ADGRB3: variants seen among roughly 807,000 people sequenced by gnomAD.
The protein encoded by ADGRB3 is adhesion G protein-coupled receptor B3, also known as brain-specific angiogenesis inhibitor 3.
ADGRB3 carries 37 observed loss-of-function variants against 193.4 expected under a neutral mutation model. That is an observed-to-expected ratio of 0.19 (90% CI 0.15 to 0.25). The LOEUF (loss-of-function observed/expected upper bound fraction) is 0.25. Among genes scored for constraint, ADGRB3 ranks in the 10% least tolerant of loss-of-function variants. The pLI, the probability that ADGRB3 is intolerant of heterozygous loss-of-function variation, is 1.00. For missense variants in ADGRB3, 1,637 were observed against 1,852.9 expected, an observed-to-expected ratio of 0.88 and a Z score of 2.14; for synonymous variants, 690 against 644.2, an observed-to-expected ratio of 1.07 and a Z score of -1.08.
At chr6:69,035,784 G>A (rs1301598629) in intron 13 of ADGRB3, among the ~76,000 whole-genome samples, 1 of 152,118 alleles carries the variant, frequency 6.6e-6, no homozygotes, top group Admixed American at 6.6e-5. Flanking sequence ...TTTAAGCTAT[G>A]TTTTAGAAGT....
At chr6:69,001,700 A>G (rs575651609) in intron 11 of ADGRB3, among the ~76,000 whole-genome samples, 1 of 152,306 alleles carries the variant, frequency 6.6e-6, no homozygotes, top group East Asian at 1.9e-4. Context: ...ACACACATAG[A>G]AATGTCCACA....
intron 11 of ADGRB3, among the ~76,000 whole-genome samples, chr6:69,005,866 T>G (rs1204745174): frequency 6.6e-6 from 1 of 152,164 alleles, no homozygotes; most frequent in African/African-American, 2.4e-5. Flanking sequence ...ATCATATTCT[T>G]CTTATGCCTT....
chr6:68,889,845 G>T (rs2150228583), intron 3 of ADGRB3, among the ~76,000 whole-genome samples: 1 of 151,978 alleles, frequency 6.6e-6, no homozygotes, highest in South Asian at 2.1e-4. Context: ...ACAGAGAATG[G>T]GTTTGTTGAT....
At chr6:68,686,963 T>A (rs1321583055) in intron 3 of ADGRB3, among the ~76,000 whole-genome samples, 1 of 152,150 alleles carries the variant, frequency 6.6e-6, no homozygotes, top group Non-Finnish European at 1.5e-5. Flanking sequence ...TTTAAAGTGA[T>A]TTTTAAAAAT....
intron 17 of ADGRB3, among the ~76,000 whole-genome samples, chr6:69,143,575 G>A (rs956957834): frequency 6.6e-6 from 1 of 152,084 alleles, no homozygotes; most frequent in African/African-American, 2.4e-5. Context: ...AAGAGACAGG[G>A]GTGTAGTTTC....
At chr6:69,089,404 G>T (rs947747344) in intron 17 of ADGRB3, among the ~76,000 whole-genome samples, 2 of 152,076 alleles carry the variant, frequency 1.3e-5, no homozygotes, top group Admixed American at 1.3e-4. Context: ...GTATATTAAA[G>T]GGAAAATTTT....
intron 21 of ADGRB3, among the ~76,000 whole-genome samples, chr6:69,326,602 T>C (rs1768574788): frequency 6.6e-6 from 1 of 152,106 alleles, no homozygotes; most frequent in Non-Finnish European, 1.5e-5. Context: ...GTTGGCAGAA[T>C]AGTGGTGTGT....
At chr6:69,249,328 G>A (rs567445548) in intron 20 of ADGRB3, among the ~76,000 whole-genome samples, 1 of 152,238 alleles carries the variant, frequency 6.6e-6, no homozygotes, top group East Asian at 1.9e-4. Context: ...CTTCACTTAT[G>A]ATGCCGATTG....
intron 17 of ADGRB3, among the ~76,000 whole-genome samples, chr6:69,184,981 C>A (rs977698468): frequency 6.6e-6 from 1 of 152,016 alleles, no homozygotes; most frequent in African/African-American, 2.4e-5. Context: ...GCACAAGAGG[C>A]CATCCGTGCA....
chr6:68,956,151 G>T lies in ADGRB3; in HGVS notation c.1323G>T (p.Trp441Cys). Residue 441 changes from tryptophan (W) to cysteine (C), a missense_variant, in exon 7 of 32, where the codon TGG becomes TGT. Trp to Cys is a radical substitution (Grantham distance 215). Transcript: ENST00000370598. ...GAGGCTCCGAATGCAGAGGGCCATG[G>T]GCAGAAAGCAGAGAGTGCTATAACC... ...AHGGSECRGP[W>C]AESRECYNPE... The T allele has an allele frequency of 6.2e-7, 1 of 1,613,806 alleles. No individual in the cohort carries two copies. The highest frequency in any genetic ancestry group is 1.1e-5 in the South Asian group (1 of 91,040).
chr6:69,340,601 A>G (rs1423908376), intron 26 of ADGRB3, among the ~76,000 whole-genome samples: 1 of 151,918 alleles, frequency 6.6e-6, no homozygotes, highest in Non-Finnish European at 1.5e-5. Flanking sequence ...GAAGAACAAT[A>G]TTTCTGAGCT....
At chr6:69,173,233 T>C (rs1775333987) in intron 17 of ADGRB3, among the ~76,000 whole-genome samples, 1 of 152,188 alleles carries the variant, frequency 6.6e-6, no homozygotes, top group African/African-American at 2.4e-5. Flanking sequence ...AGATGGGGTT[T>C]CACCATGTTG....
chr6:68,895,322 T>G (rs1375673392), intron 3 of ADGRB3, among the ~76,000 whole-genome samples: 3 of 151,948 alleles, frequency 2.0e-5, no homozygotes. Flanking sequence ...TTAGCACTTG[T>G]ATTTTTCTTT....
chr6:69,250,576 A>G (rs977924564), intron 20 of ADGRB3, among the ~76,000 whole-genome samples: 1 of 152,210 alleles, frequency 6.6e-6, no homozygotes, highest in South Asian at 2.1e-4. Flanking sequence ...GGAGAAATGT[A>G]GCTGGGCATT....
chr6:69,381,163 C>T (rs1034491430), intron 30 of ADGRB3, among the ~76,000 whole-genome samples: 1 of 151,988 alleles, frequency 6.6e-6, no homozygotes, highest in East Asian at 1.9e-4. Flanking sequence ...TCCTCAAAAT[C>T]TCCCCATTGA....
At chr6:69,256,554 G>T (rs1332962196) in intron 20 of ADGRB3, among the ~76,000 whole-genome samples, 3 of 151,880 alleles carry the variant, frequency 2.0e-5, no homozygotes, top group Non-Finnish European at 4.4e-5. Context: ...CATTGATTTT[G>T]TATCCTGAGA....
intron 30 of ADGRB3, among the ~76,000 whole-genome samples, chr6:69,372,860 A>G (rs1436479701): frequency 6.6e-6 from 1 of 151,954 alleles, no homozygotes; most frequent in African/African-American, 2.4e-5. Flanking sequence ...CTTTCTCTGA[A>G]AATTACTTGT....
At chr6:69,373,021 A>G (rs931164039) in intron 30 of ADGRB3, among the ~76,000 whole-genome samples, 13 of 152,084 alleles carry the variant, frequency 8.5e-5, no homozygotes, top group African/African-American at 3.1e-4. Context: ...TCCAATTTAC[A>G]TTGAATTTAT....
At chr6:69,127,951 G>A (rs1773902275) in intron 17 of ADGRB3, among the ~76,000 whole-genome samples, 1 of 151,516 alleles carries the variant, frequency 6.6e-6, no homozygotes, top group African/African-American at 2.4e-5. Flanking sequence ...GTCTTTAAAG[G>A]TCTCCTTCGT....
Sources: allele counts gnomAD v4.1 joint callset (sites outside exome capture counted in the v4.1 genomes callset), GRCh38; gene constraint gnomAD v4.1.1; transcripts MANE v1.5; gene names NCBI Gene and HGNC (gene_info 2026-07-23, HGNC 2026-07-21).